ARHGAP31: variants seen among roughly 807,000 people sequenced by gnomAD.
The protein encoded by ARHGAP31 is Rho GTPase activating protein 31, also known as rho GTPase-activating protein 31.
In ARHGAP31, 34 loss-of-function variants were observed where a neutral mutation model predicts 113.9. That is an observed-to-expected ratio of 0.30 (90% CI 0.23 to 0.40). The LOEUF (loss-of-function observed/expected upper bound fraction) is 0.40. ARHGAP31 is among the 10% of genes least tolerant of loss of function. The pLI, the probability that ARHGAP31 is intolerant of heterozygous loss-of-function variation, is 1.00. For missense variants in ARHGAP31, 1,548 were observed against 1,767.1 expected (o/e 0.88, Z 2.22); for synonymous variants, 650 against 684.8 (o/e 0.95, Z 0.79).
At chr3:119,314,713 T>TA (rs1422229889) in intron 1 of ARHGAP31, 1 of 152,364 alleles carries the variant, frequency 6.6e-6, no homozygotes, top group Non-Finnish European at 1.5e-5. Context: ...ATTCTGCAGA[T>TA]AATTGTCATC....
At chr3:119,405,311 T>G (rs75874277) in intron 10 of ARHGAP31, among the ~76,000 whole-genome samples, 1 of 152,076 alleles carries the variant, frequency 6.6e-6, no homozygotes, top group Non-Finnish European at 1.5e-5. Flanking sequence ...AAGATAGAAG[T>G]TTATTTCTAT....
At chr3:119,401,145 T>A (rs112840352) in intron 9 of ARHGAP31, among the ~76,000 whole-genome samples, 2,738 of 145,388 alleles carry the variant, frequency 0.019, 68 homozygotes, top group African/African-American at 0.065. Context: ...CACTCCAGCC[T>A]GGGCGACAGA....
chr3:119,414,028 G>A lies in ARHGAP31; in HGVS notation c.2099G>A (p.Gly700Glu), dbSNP rs777165649. Residue 700 changes from glycine to glutamate, a missense_variant, in exon 12 of 12, where the codon GGG (glycine) becomes GAG (glutamate). Physicochemically the swap from Gly to Glu is moderately conservative, Grantham distance 98. Coordinates refer to ENST00000264245, the MANE Select transcript of ARHGAP31 (RefSeq NM_020754.4). ...CCCTTTATTCCCTCAGAGCCTCCTGGGAGCTTGCCTTGTGGCTCCTTCCCT... is the reference window on the plus strand; with the variant it reads ...CCCTTTATTCCCTCAGAGCCTCCTGAGAGCTTGCCTTGTGGCTCCTTCCCT... The part of the protein sequence containing the change: ...LGPFIPSEPP[G>E]SLPCGSFPAP... 3.1e-6 allele frequency: 5 copies of A among 1,614,068 alleles called. No individual in the cohort carries two copies. In the South Asian group the frequency reaches 5.5e-5, roughly 18 times the overall value.
rs534951832 is a variant in ARHGAP31, at chr3:119,390,749, C to T, written c.683-36C>T. 5.6e-6 allele frequency: 9 copies of T among 1,601,452 alleles called. No homozygotes were observed. The Admixed American group carries it at 1.3e-4, about 24-fold the overall frequency. ...ATCTGGATGGATGTGATGGGCAGGC[C>T]TCCTCCAACACTGAGCTCTTCCATT... On this transcript the variant is annotated intron_variant, in intron 6 of 11. Coordinates refer to ENST00000264245, the MANE Select transcript of ARHGAP31 (RefSeq NM_020754.4).
At chr3:119,392,880 G>A (rs921024185) in intron 7 of ARHGAP31, among the ~76,000 whole-genome samples, 5 of 152,202 alleles carry the variant, frequency 3.3e-5, no homozygotes, top group Non-Finnish European at 7.3e-5. Flanking sequence ...GGATGTCCCA[G>A]CAGTGTGGCT....
chr3:119,343,764 G>A (rs370784140), intron 1 of ARHGAP31, among the ~76,000 whole-genome samples: 1 of 152,222 alleles, frequency 6.6e-6, no homozygotes, highest in Non-Finnish European at 1.5e-5. Flanking sequence ...GAGGCCAGGT[G>A]AGAAAACAGC....
intron 1 of ARHGAP31, among the ~76,000 whole-genome samples, chr3:119,333,855 A>G (rs1023420713): frequency 2.6e-5 from 4 of 152,236 alleles, no homozygotes; most frequent in African/African-American, 9.6e-5. Flanking sequence ...CTTTGTGAGA[A>G]GTTAAGTACT....
rs759868197 is a variant in ARHGAP31 at position 119,416,297 on chromosome 3, C to T, written c.*33C>T. ...TCACCTGCTGGTGTCTGAAAAAAACCGTGATTCATCTGGAAGTTATTACAG... is the reference window on the plus strand; with the variant it reads ...TCACCTGCTGGTGTCTGAAAAAAACTGTGATTCATCTGGAAGTTATTACAG... On this transcript the variant is annotated 3_prime_UTR_variant, in exon 12 of 12. Coordinates refer to ENST00000264245, the MANE Select transcript of ARHGAP31 (RefSeq NM_020754.4). 15 of 1,609,704 alleles carry T rather than the reference C, an allele frequency of 9.3e-6. No homozygotes were observed. The highest frequency in any genetic ancestry group is 5.0e-5 in the Admixed American group (3 of 60,004).
rs764076688 is a variant in ARHGAP31 at position 119,409,692 on chromosome 3, G to A, written c.1842G>A (p.Glu614=). ...CAAATCCGGAGAAGGTGGTGGAGGA[G>A]GGACGAGAGGCTGGTGAGATGGAGT... The part of the protein sequence containing the change: ...KRPNPEKVVE[E]GREAGEMESS... The change falls in exon 11 of 12, where the codon GAG becomes GAA. Residue 614 remains glutamate (E), a synonymous_variant. Coordinates refer to ENST00000264245, the MANE Select transcript of ARHGAP31 (RefSeq NM_020754.4). 4 of 1,610,786 alleles carry A rather than the reference G, an allele frequency of 2.5e-6. No individual in the cohort carries two copies. Among genetic ancestry groups the A allele is most frequent in the African/African-American group, 1.3e-5 (1 of 74,854 alleles).
rs144091182 is a variant in ARHGAP31, at chr3:119,402,823, C to T, written c.1645+426C>T. On this transcript the variant is annotated intron_variant, in intron 10 of 11. Coordinates refer to ENST00000264245, the MANE Select transcript of ARHGAP31 (RefSeq NM_020754.4). The stretch of plus-strand genomic sequence containing the variant: ...AGCTGGAATTGGGGATTCAGTTCTT[C>T]CAGTCTCCTTCTCTTTCCATCCACC... 6.6e-5 allele frequency among the ~76,000 whole-genome samples: 10 copies of T among 152,264 alleles called. No homozygotes were observed. In the East Asian group the frequency reaches 1.9e-3, roughly 29 times the overall value.
chr3:119,328,453 CTTCT>C (rs920597305), intron 1 of ARHGAP31, among the ~76,000 whole-genome samples: 19 of 152,250 alleles, frequency 1.2e-4, no homozygotes, highest in African/African-American at 4.6e-4. Context: ...CTGGAGGGCC[CTTCT>C]TTCTTTTGAG....
chr3:119,324,837 T>C lies in ARHGAP31; in HGVS notation c.100+29833T>C, dbSNP rs138594825. 874 of 442,554 alleles carry C rather than the reference T, an allele frequency of 2.0e-3. 12 individuals are homozygous for C. Among genetic ancestry groups the C allele is most frequent in the Non-Finnish European group, 4.7e-4 (104 of 219,998 alleles). 27.4% of individuals were successfully genotyped at this position (442,554 alleles called of 1,614,324 possible). A position where few individuals can be genotyped will look rare whatever the true frequency, so the allele number is the denominator to read the frequency against. On this transcript the variant is annotated intron_variant, in intron 1 of 11. Coordinates refer to ENST00000264245, the MANE Select transcript of ARHGAP31 (RefSeq NM_020754.4). ...ATAACTTTTAATGGACGACTCCTTT[T>C]AGTAAAACAGAGAACCAATTTTGAA...
At chr3:119,374,836 T>C (rs879801178) in intron 3 of ARHGAP31, among the ~76,000 whole-genome samples, 3 of 152,186 alleles carry the variant, frequency 2.0e-5, no homozygotes, top group Non-Finnish European at 4.4e-5. Flanking sequence ...CTCAGGTAGT[T>C]CTTATGGCAA....
At chr3:119,304,335 G>C (rs2079611707) in intron 1 of ARHGAP31, among the ~76,000 whole-genome samples, 1 of 152,166 alleles carries the variant, frequency 6.6e-6, no homozygotes, top group South Asian at 2.1e-4. Context: ...AAGTGAGAAA[G>C]AACCATCAGA....
chr3:119,313,276 A>G (rs1438539360), intron 1 of ARHGAP31, among the ~76,000 whole-genome samples: 1 of 152,238 alleles, frequency 6.6e-6, no homozygotes, highest in Non-Finnish European at 1.5e-5. Context: ...AATCCTTCCA[A>G]AGATATTTTG....
intron 1 of ARHGAP31, among the ~76,000 whole-genome samples, chr3:119,341,644 A>C (rs1018825371): frequency 1.3e-5 from 2 of 152,128 alleles, no homozygotes; most frequent in African/African-American, 4.8e-5. Flanking sequence ...TCTTAAATAT[A>C]TATCTATAAA....
At chr3:119,303,863 C>T (rs1367252537) in intron 1 of ARHGAP31, among the ~76,000 whole-genome samples, 4 of 151,952 alleles carry the variant, frequency 2.6e-5, no homozygotes, top group South Asian at 2.1e-4. Flanking sequence ...GGTGCGATCT[C>T]GGCTCACTGC....
intron 1 of ARHGAP31, among the ~76,000 whole-genome samples, chr3:119,335,093 G>T (rs1220088100): frequency 6.6e-6 from 1 of 150,576 alleles, no homozygotes; most frequent in Non-Finnish European, 1.5e-5. Context: ...AAAAAAAAAA[G>T]ATCTAAAATG....
chr3:119,327,776 G>GT (rs2107605690), intron 1 of ARHGAP31, among the ~76,000 whole-genome samples: 1 of 152,252 alleles, frequency 6.6e-6, no homozygotes, highest in East Asian at 1.9e-4. Context: ...GTTCACTGTG[G>GT]TTTCCCCAGA....
Sources: allele counts gnomAD v4.1 joint callset (sites outside exome capture counted in the v4.1 genomes callset), GRCh38; gene constraint gnomAD v4.1.1; transcripts MANE v1.5; gene names NCBI Gene and HGNC (gene_info 2026-07-23, HGNC 2026-07-21).